Variants in TDRD9 observed in about 807,000 individuals in gnomAD.
TDRD9 encodes tudor domain containing 9.
A neutral mutation model predicts 172.6 loss-of-function variants in TDRD9; 124 were observed. That is an observed-to-expected ratio of 0.72 (90% CI 0.62 to 0.83). The LOEUF is 0.83. Among genes scored for constraint, TDRD9 ranks in the 40% least tolerant of loss-of-function variants. TDRD9 has a pLI of 0.00. For missense variants in TDRD9, 1,479 were observed against 1,714.1 expected, an observed-to-expected ratio of 0.86 and a Z score of 2.42; for synonymous variants, 619 against 617.1, an observed-to-expected ratio of 1.00 and a Z score of -0.05.
At chr14:104,036,440 C>T (rs7150741) in intron 32 of TDRD9, among the ~76,000 whole-genome samples, 2,568 of 152,284 alleles carry the variant, frequency 0.017, 72 homozygotes, top group African/African-American at 0.058. Flanking sequence ...AGGAACCACA[C>T]GTGGCAGTGG....
chr14:104,019,326 C>T, intron 23 of TDRD9, among the ~76,000 whole-genome samples: 1 of 152,002 alleles, frequency 6.6e-6, no homozygotes, highest in East Asian at 1.9e-4. Context: ...TGTTTGTTGC[C>T]TGTTCTTCTT....
intron 33 of TDRD9, 78 bp downstream of exon 33, chr14:104,040,412 T>C: frequency 7.3e-7 from 1 of 1,367,254 alleles, no homozygotes; most frequent in East Asian, 2.8e-5. Flanking sequence ...GTGCAGGGTC[T>C]GCTGTGGAGC....
intron 8 of TDRD9, among the ~76,000 whole-genome samples, chr14:103,989,907 G>A (rs990997625): frequency 2.0e-5 from 3 of 152,250 alleles, no homozygotes; most frequent in African/African-American, 7.2e-5. Context: ...CTCCACTGTG[G>A]CTGCCTTATG....
rs574082622 is a variant in TDRD9, at chr14:103,957,096, G to A, written c.322+1326G>A. On this transcript the variant is annotated intron_variant, in intron 2 of 35. Transcript: ENST00000409874. ...CTTATCATTCTTGGGATTGATTTAG[G>A]CTTCTTGACTATACCAATTAGTACC... 2.6e-5 allele frequency among the ~76,000 whole-genome samples: 4 copies of A among 152,230 alleles called. No homozygotes were observed. In the East Asian group the frequency reaches 5.8e-4, roughly 22 times the overall value.
At chr14:104,022,726 T>TAAAA (rs1158408781) in intron 24 of TDRD9, among the ~76,000 whole-genome samples, 3 of 67,490 alleles carry the variant, frequency 4.4e-5, no homozygotes, top group Non-Finnish European at 3.3e-5. Flanking sequence ...GACGCTGTCT[T>TAAAA]AAAAAATAAA....
chr14:103,961,346 C>T (rs572347118), intron 2 of TDRD9, among the ~76,000 whole-genome samples: 9 of 152,056 alleles, frequency 5.9e-5, no homozygotes, highest in African/African-American at 1.9e-4. Flanking sequence ...TTTGAGAGGC[C>T]GAGATCAGGA....
At chr14:103,958,660 G>A (rs1056769616) in intron 2 of TDRD9, among the ~76,000 whole-genome samples, 7 of 152,230 alleles carry the variant, frequency 4.6e-5, no homozygotes, top group Non-Finnish European at 8.8e-5. Flanking sequence ...GAGGCCATGA[G>A]CCAATGCAGG....
chr14:104,025,843 A>G (rs1400005344), intron 26 of TDRD9, 67 bp downstream of exon 26: 1 of 1,302,170 alleles, frequency 7.7e-7, no homozygotes, highest in Non-Finnish European at 1.1e-6. Flanking sequence ...AGTTTATCAA[A>G]TATCTTTTAT....
At chr14:104,011,062 G>A (rs1447172208) in intron 20 of TDRD9, among the ~76,000 whole-genome samples, 3 of 152,178 alleles carry the variant, frequency 2.0e-5, no homozygotes, top group Admixed American at 6.5e-5. Context: ...CAGCTATGAC[G>A]TGACCAGGCA....
chr14:104,025,990 CAGGT>C (rs2035104652), intron 26 of TDRD9, 53 bp from the exon 27 acceptor site: 4 of 1,174,730 alleles, frequency 3.4e-6, no homozygotes, highest in Non-Finnish European at 5.1e-6. Context: ...TGCTATTGCT[CAGGT>C]AGGGCATTGT....
At chr14:103,965,233 T>C (rs575520051) in intron 3 of TDRD9, 100 bp from the exon 4 acceptor site, 4 of 1,261,204 alleles carry the variant, frequency 3.2e-6, no homozygotes, top group African/African-American at 1.5e-5. Flanking sequence ...AACAAAACTT[T>C]AAGATGAAAG....
chr14:104,017,869 A>C (rs2034838913), intron 22 of TDRD9, among the ~76,000 whole-genome samples: 1 of 152,226 alleles, frequency 6.6e-6, no homozygotes, highest in Non-Finnish European at 1.5e-5. Context: ...CACCATTTTA[A>C]CAGGGTTAGA....
chr14:104,032,813 G>A (rs1019238533), intron 30 of TDRD9, among the ~76,000 whole-genome samples: 7 of 152,150 alleles, frequency 4.6e-5, no homozygotes, highest in South Asian at 2.1e-4. Context: ...AATATAGGGT[G>A]ATAGGGCTCT....
chr14:104,035,983 T>G (rs2035440339), intron 32 of TDRD9, among the ~76,000 whole-genome samples: 1 of 152,100 alleles, frequency 6.6e-6, no homozygotes, highest in Non-Finnish European at 1.5e-5. Flanking sequence ...AAATGTGTAG[T>G]GCTTTTTTTT....
In TDRD9 at chr14:104,015,970, T is replaced by G; in HGVS notation, c.2224-11T>G. 1.9e-6 allele frequency: 3 copies of G among 1,559,124 alleles called. No individual in the cohort carries two copies. The highest frequency in any genetic ancestry group is 1.2e-5 in the South Asian group (1 of 84,998). On this transcript the variant is annotated splice_polypyrimidine_tract_variant and intron_variant, in intron 21 of 35. Transcript: ENST00000409874. ...ATGCTGTTACTTCATGAAAATAAAT[T>G]TCTTTTTCAGGTTGTATTGGCAGGT...
At position 104,020,438 on chromosome 14, in the gene TDRD9, C is replaced by A. The variant is rs2034919459; in HGVS notation, c.2433-1719C>A. Among the ~76,000 whole-genome samples, 3 of 152,134 alleles carry A rather than the reference C, an allele frequency of 2.0e-5. No homozygotes were observed. The South Asian group carries it at 6.2e-4, about 31-fold the overall frequency. On this transcript the variant is annotated intron_variant, in intron 23 of 35. Transcript: ENST00000409874. ...GAGGAGCCCAAGAGCATCCGGCTTTCCAGCCTGGATGCTGGGGAGGATGCA... is the reference window on the plus strand; with the variant it reads ...GAGGAGCCCAAGAGCATCCGGCTTTACAGCCTGGATGCTGGGGAGGATGCA...
chr14:103,978,633 C>CT (rs902217276), intron 7 of TDRD9, among the ~76,000 whole-genome samples: 19 of 152,226 alleles, frequency 1.2e-4, no homozygotes, highest in African/African-American at 4.1e-4. Flanking sequence ...TTGAAGAGTA[C>CT]TGGTCTTTGA....
In TDRD9 at chr14:104,008,666, T is replaced by C. The variant is rs182066622; in HGVS notation, c.2106+200T>C. Among the ~76,000 whole-genome samples, 319 of 152,332 alleles carry C rather than the reference T, an allele frequency of 2.1e-3. 1 individual carries two copies. The highest frequency in any genetic ancestry group is 7.4e-3 in the African/African-American group (309 of 41,568). ...AACTACTTGGGTTTCTAATAAATACTCCTTTTCCAGTTAAGGAATGTATTT... is the reference window on the plus strand; with the variant it reads ...AACTACTTGGGTTTCTAATAAATACCCCTTTTCCAGTTAAGGAATGTATTT... On this transcript the variant is annotated intron_variant, in intron 20 of 35. Transcript: ENST00000409874.
Position 103,979,372 on chromosome 14 carries a change from T to G in TDRD9, c.1011+3819T>G, listed in dbSNP as rs543873589. Among the ~76,000 whole-genome samples the G allele has an allele frequency of 7.0e-4, 106 of 152,356 alleles. 1 individual carries two copies. The highest frequency in any genetic ancestry group is 1.2e-3 in the South Asian group (6 of 4,834). On this transcript the variant is annotated intron_variant, in intron 7 of 35. Coordinates refer to ENST00000409874, the MANE Select transcript of TDRD9 (RefSeq NM_153046.3). ...GGAATACCTCAGTCTGGGTAATTTATAAAAGAAAGAGGTTTATTTGGCTCA... is the reference window on the plus strand; with the variant it reads ...GGAATACCTCAGTCTGGGTAATTTAGAAAAGAAAGAGGTTTATTTGGCTCA...
Sources: allele counts gnomAD v4.1 joint callset (sites outside exome capture counted in the v4.1 genomes callset), GRCh38; gene constraint gnomAD v4.1.1; transcripts MANE v1.5; gene names NCBI Gene and HGNC (gene_info 2026-07-23, HGNC 2026-07-21).